The following PACRG variants were observed in gnomAD, a reference collection of about 807,000 sequenced individuals.
The protein encoded by PACRG is parkin coregulated, also known as parkin coregulated gene protein.
In PACRG, 29 loss-of-function variants were observed where a neutral mutation model predicts 29.7. The ratio of observed to expected loss-of-function variants is 0.98; its 90% CI spans 0.73 to 1.33. The LOEUF (loss-of-function observed/expected upper bound fraction) is 1.33, where lower values mean the gene tolerates loss of function less well. Among genes scored for constraint, PACRG ranks in the 40% most tolerant of loss-of-function variants. PACRG has a pLI of 0.00. For missense variants in PACRG, 279 were observed against 316.2 expected, an observed-to-expected ratio of 0.88 and a Z score of 0.89; for synonymous variants, 116 against 118.7, an observed-to-expected ratio of 0.98 and a Z score of 0.15.
intron 4 of PACRG, among the ~76,000 whole-genome samples, chr6:163,145,354 T>C (rs746426126): frequency 6.6e-6 from 1 of 152,238 alleles, no homozygotes; most frequent in African/African-American, 2.4e-5. Context: ...TTGTTACTTT[T>C]TGTATAATCA....
At chr6:163,092,919 C>T (rs968494992) in intron 4 of PACRG, among the ~76,000 whole-genome samples, 1 of 152,212 alleles carries the variant, frequency 6.6e-6, no homozygotes, top group African/African-American at 2.4e-5. Flanking sequence ...AGCGCTCTCT[C>T]GTTGGGTGAC....
chr6:163,087,158 A>G lies in PACRG; in HGVS notation c.464-2101A>G, dbSNP rs147624118. Among the ~76,000 whole-genome samples, 600 of 152,324 alleles carry G rather than the reference A, an allele frequency of 3.9e-3. 6 individuals carry two copies. The highest frequency in any genetic ancestry group is 0.024 in the Admixed American group (362 of 15,302). On this transcript the variant is annotated intron_variant, in intron 3 of 4. Coordinates refer to ENST00000366888, the MANE Select transcript of PACRG (RefSeq NM_001080379.2). ...CTCCAGTGAATGGGTCCCAAGGATCAGAACCAGAGGAGTAGCAATAAGAAT... is the reference window on the plus strand; with the variant it reads ...CTCCAGTGAATGGGTCCCAAGGATCGGAACCAGAGGAGTAGCAATAAGAAT...
At chr6:163,088,122 C>T (rs1050494020) in intron 3 of PACRG, among the ~76,000 whole-genome samples, 9 of 152,176 alleles carry the variant, frequency 5.9e-5, no homozygotes, top group Non-Finnish European at 1.2e-4. Context: ...AAGATCCAGG[C>T]TGATGGAAAT....
At chr6:163,311,572 C>T (rs1351977798) in intron 4 of PACRG, among the ~76,000 whole-genome samples, 2 of 152,172 alleles carry the variant, frequency 1.3e-5, no homozygotes. Flanking sequence ...TCACCTGCTT[C>T]TCAACATAGT....
At position 163,145,464 on chromosome 6, in the gene PACRG, G is replaced by A. The variant is rs1269811115; in HGVS notation, c.613+56056G>A. 6.6e-5 allele frequency among the ~76,000 whole-genome samples: 10 copies of A among 152,288 alleles called. No individual in the cohort carries two copies. In the East Asian group the frequency reaches 1.5e-3, roughly 24 times the overall value. On this transcript the variant is annotated intron_variant, in intron 4 of 4. Transcript: ENST00000366888. Reference sequence around the variant, plus strand: ...TAGGTCCAGAGGTGGCAATAATTCTGCAATCATTAGGTTACCTTTTCCTAT... The same window carrying A: ...TAGGTCCAGAGGTGGCAATAATTCTACAATCATTAGGTTACCTTTTCCTAT...
intron 4 of PACRG, among the ~76,000 whole-genome samples, chr6:163,258,484 G>A (rs1293797111): frequency 3.3e-5 from 5 of 152,240 alleles, no homozygotes; most frequent in Admixed American, 6.5e-5. Context: ...CTCGCCGGGC[G>A]CAGTGGCTCA....
chr6:162,741,196 T>C (rs1302158455), intron 1 of PACRG, among the ~76,000 whole-genome samples: 1 of 152,232 alleles, frequency 6.6e-6, no homozygotes, highest in Admixed American at 6.5e-5. Flanking sequence ...GCTTTTGTCA[T>C]ATCATTCCAA....
chr6:163,059,291 T>C (rs1327711454), intron 2 of PACRG, among the ~76,000 whole-genome samples: 1 of 152,190 alleles, frequency 6.6e-6, no homozygotes, highest in Non-Finnish European at 1.5e-5. Flanking sequence ...CTTTTGTTTT[T>C]CAAAATTTTG....
At chr6:163,235,150 C>T (rs1024965487) in intron 4 of PACRG, among the ~76,000 whole-genome samples, 3 of 152,216 alleles carry the variant, frequency 2.0e-5, no homozygotes, top group East Asian at 1.9e-4. Context: ...CCTCTTCCAT[C>T]GTAAGCCGGC....
intron 4 of PACRG, among the ~76,000 whole-genome samples, chr6:163,113,130 A>G (rs78432026): frequency 0.081 from 12,404 of 152,274 alleles, 591 homozygotes; most frequent in Non-Finnish European, 0.097. Flanking sequence ...AGGATACAAA[A>G]GCATGTTAGA....
chr6:163,025,921 C>G (rs1807085289), intron 2 of PACRG, among the ~76,000 whole-genome samples: 1 of 152,174 alleles, frequency 6.6e-6, no homozygotes, highest in African/African-American at 2.4e-5. Context: ...TGTTCTAAAG[C>G]TTTAGCTGTA....
chr6:162,820,944 C>T (rs936576866), intron 2 of PACRG, among the ~76,000 whole-genome samples: 1 of 151,778 alleles, frequency 6.6e-6, no homozygotes, highest in African/African-American at 2.4e-5. Flanking sequence ...AATTAATAGA[C>T]AGAGCTTATT....
At chr6:162,956,455 G>A (rs1348046337) in intron 2 of PACRG, among the ~76,000 whole-genome samples, 1 of 152,178 alleles carries the variant, frequency 6.6e-6, no homozygotes, top group Non-Finnish European at 1.5e-5. Context: ...TATGTTATTT[G>A]TTTCCCAGGG....
At chr6:163,043,594 G>A (rs1457921482) in intron 2 of PACRG, among the ~76,000 whole-genome samples, 1 of 152,134 alleles carries the variant, frequency 6.6e-6, no homozygotes, top group Non-Finnish European at 1.5e-5. Flanking sequence ...AGAAGTTCAA[G>A]TATGAAGCCA....
At chr6:162,905,831 A>G (rs1463767068) in intron 2 of PACRG, among the ~76,000 whole-genome samples, 1 of 152,138 alleles carries the variant, frequency 6.6e-6, no homozygotes, top group Non-Finnish European at 1.5e-5. Flanking sequence ...CTAATGTCCA[A>G]ACCAGTCCAA....
At chr6:163,135,319 G>T (rs1360139184) in intron 4 of PACRG, among the ~76,000 whole-genome samples, 1 of 151,954 alleles carries the variant, frequency 6.6e-6, no homozygotes, top group Non-Finnish European at 1.5e-5. Flanking sequence ...CTCCCAAGTA[G>T]CTGGGACTAC....
chr6:163,185,060 C>T (rs769628336), intron 4 of PACRG: 1 of 151,968 alleles, frequency 6.6e-6, no homozygotes, highest in Non-Finnish European at 1.5e-5. Context: ...TTAGCAGAAA[C>T]CAAAAAGTAA....
intron 4 of PACRG, among the ~76,000 whole-genome samples, chr6:163,307,469 G>T (rs1459452507): frequency 6.6e-6 from 1 of 152,232 alleles, no homozygotes; most frequent in East Asian, 1.9e-4. Context: ...TAGCGTGCCA[G>T]ATGCCGTGGT....
At chr6:162,772,774 G>T (rs1303838975) in intron 1 of PACRG, among the ~76,000 whole-genome samples, 1 of 152,186 alleles carries the variant, frequency 6.6e-6, no homozygotes, top group Non-Finnish European at 1.5e-5. Context: ...GGAACCAGGG[G>T]TATAAATTCC....
Sources: gnomAD v4.1 joint callset for allele counts (sites outside exome capture counted in the v4.1 genomes callset) on GRCh38, gnomAD v4.1.1 for gene constraint, MANE v1.5 for transcripts, NCBI Gene and HGNC (gene_info 2026-07-23, HGNC 2026-07-21) for gene names.